The following SCN2A variants were observed in gnomAD, a reference collection of about 807,000 sequenced individuals.
SCN2A encodes the protein sodium channel protein type 2 subunit alpha.
A neutral mutation model predicts 188.7 loss-of-function variants in SCN2A; 20 were observed. That is an observed-to-expected ratio of 0.11 (90% confidence interval 0.07 to 0.15). The LOEUF is 0.15. SCN2A is among the 10% of genes least tolerant of loss of function. The pLI is 1.00. For missense variants in SCN2A, 1,278 were observed against 2,445.0 expected (o/e 0.52, Z 10.07); for synonymous variants, 804 against 833.1 (o/e 0.97, Z 0.60).
At chr2:165,309,146 C>T in intron 5 of SCN2A, 1 of 1,611,634 alleles carries the variant, frequency 6.2e-7, no homozygotes. Flanking sequence ...TTCTGAATAA[C>T]TCTGATTTAA....
At chr2:165,297,243 T>A in intron 3 of SCN2A, 108 bp downstream of exon 3, 1 of 692,938 alleles carries the variant, frequency 1.4e-6, no homozygotes, top group East Asian at 2.7e-5. Flanking sequence ...TGTTCTTTCT[T>A]TTTCTTTCCT....
intron 1 of SCN2A, among the ~76,000 whole-genome samples, chr2:165,292,139 T>A (rs999512506): frequency 2.6e-5 from 4 of 152,196 alleles, no homozygotes; most frequent in Non-Finnish European, 5.9e-5. Context: ...TGAATCATCA[T>A]ATGCCTAAGA....
intron 3 of SCN2A, among the ~76,000 whole-genome samples, chr2:165,302,175 G>A (rs1444260221): frequency 6.6e-6 from 1 of 152,176 alleles, no homozygotes; most frequent in African/African-American, 2.4e-5. Flanking sequence ...GAAAGCAGAT[G>A]ACACAACAAT....
intron 25 of SCN2A, among the ~76,000 whole-genome samples, chr2:165,381,598 G>GTT (rs1701606393): frequency 6.6e-6 from 1 of 151,840 alleles, no homozygotes; most frequent in Non-Finnish European, 1.5e-5. Flanking sequence ...ATTGGCCTCA[G>GTT]TTTTTGTCCA....
At chr2:165,308,227 A>G (rs1697244704) in intron 4 of SCN2A, among the ~76,000 whole-genome samples, 1 of 152,104 alleles carries the variant, frequency 6.6e-6, no homozygotes, top group African/African-American at 2.4e-5. Flanking sequence ...ATATCTACTG[A>G]TAAAAAGTAT....
intron 25 of SCN2A, among the ~76,000 whole-genome samples, chr2:165,382,129 T>G (rs535988625): frequency 1.3e-5 from 2 of 152,104 alleles, no homozygotes; most frequent in Non-Finnish European, 2.9e-5. Flanking sequence ...GAACATTTAC[T>G]GTATGAGAAA....
chr2:165,261,273 T>C (rs1363852539), intron 1 of SCN2A, among the ~76,000 whole-genome samples: 1 of 152,334 alleles, frequency 6.6e-6, no homozygotes, highest in Non-Finnish European at 1.5e-5. Flanking sequence ...CAATTTTATC[T>C]TTTGTAGAAG....
At chr2:165,300,375 T>C (rs1696739721) in intron 3 of SCN2A, among the ~76,000 whole-genome samples, 1 of 152,182 alleles carries the variant, frequency 6.6e-6, no homozygotes, top group African/African-American at 2.4e-5. Context: ...TGTGAGTGTG[T>C]GTGTGTGTTT....
At chr2:165,321,003 T>C (rs1289198802) in intron 11 of SCN2A, among the ~76,000 whole-genome samples, 1 of 152,128 alleles carries the variant, frequency 6.6e-6, no homozygotes, top group Admixed American at 6.6e-5. Flanking sequence ...GGCTGCAAAT[T>C]TTCCAAACTT....
chr2:165,370,402 C>A, intron 20 of SCN2A, 103 bp downstream of exon 20: 1 of 1,140,292 alleles, frequency 8.8e-7, no homozygotes, highest in Non-Finnish European at 1.3e-6. Context: ...TGTATCAGCC[C>A]AAATATAAAT....
intron 1 of SCN2A, among the ~76,000 whole-genome samples, chr2:165,287,040 G>A (rs1574502885): frequency 6.6e-6 from 1 of 152,180 alleles, no homozygotes; most frequent in Admixed American, 6.5e-5. Context: ...CTGAGGGGAA[G>A]AAGTAGGTTT....
At chr2:165,302,504 T>G (rs1262292998) in intron 3 of SCN2A, among the ~76,000 whole-genome samples, 1 of 152,228 alleles carries the variant, frequency 6.6e-6, no homozygotes. Context: ...GAACAGAGCA[T>G]AATGTCTTTT....
chr2:165,383,889 G>A (rs1291034903), intron 25 of SCN2A, among the ~76,000 whole-genome samples: 1 of 152,096 alleles, frequency 6.6e-6, no homozygotes, highest in Non-Finnish European at 1.5e-5. Context: ...TTTGGCAAAC[G>A]AGTCAGAGTG....
At chr2:165,291,035 C>CT (rs55979694) in intron 1 of SCN2A, among the ~76,000 whole-genome samples, 18,495 of 80,676 alleles carry the variant, frequency 0.23, 3,066 homozygotes, top group East Asian at 0.35. Flanking sequence ...TCTTTTCTTT[C>CT]TTTTTTTTTT....
At chr2:165,384,577 T>C (rs1179187577) in intron 25 of SCN2A, among the ~76,000 whole-genome samples, 1 of 152,106 alleles carries the variant, frequency 6.6e-6, no homozygotes, top group African/African-American at 2.4e-5. Context: ...TTTTAAGATA[T>C]TTTGAACTTA....
intron 17 of SCN2A, among the ~76,000 whole-genome samples, chr2:165,361,242 A>T (rs1700446422): frequency 6.6e-6 from 1 of 151,960 alleles, no homozygotes; most frequent in South Asian, 2.1e-4. Context: ...GTAATATTCC[A>T]ATGTGTATTT....
At chr2:165,272,668 A>G (rs535532550) in intron 1 of SCN2A, 1 of 152,196 alleles carries the variant, frequency 6.6e-6, no homozygotes, top group South Asian at 2.1e-4. Flanking sequence ...GAATTAAATT[A>G]GAAATCAATT....
chr2:165,333,288 G>A (rs772331182), intron 14 of SCN2A, among the ~76,000 whole-genome samples: 12 of 152,030 alleles, frequency 7.9e-5, no homozygotes, highest in Non-Finnish European at 2.9e-5. Flanking sequence ...ACGTGTTAAG[G>A]AATGTAGGAT....
intron 1 of SCN2A, among the ~76,000 whole-genome samples, chr2:165,247,223 T>G (rs1693885865): frequency 6.6e-6 from 1 of 152,230 alleles, no homozygotes; most frequent in South Asian, 2.1e-4. Flanking sequence ...TTATTATATT[T>G]GCATACAAGC....
Sources: gnomAD v4.1 joint callset for allele counts (sites outside exome capture counted in the v4.1 genomes callset) on GRCh38, gnomAD v4.1.1 for gene constraint, MANE v1.5 for transcripts, NCBI Gene and HGNC (gene_info 2026-07-23, HGNC 2026-07-21) for gene names.